Variants in TENM3 observed in about 807,000 individuals in gnomAD.
TENM3 encodes the protein teneurin-3.
A neutral mutation model predicts 255.1 loss-of-function variants in TENM3; 63 were observed. That is an observed-to-expected ratio of 0.25 (90% confidence interval 0.20 to 0.30). TENM3 has a LOEUF of 0.30. TENM3 is among the 10% of genes least tolerant of loss of function. The pLI is 1.00. For synonymous variants in TENM3, 1,306 were observed against 1,322.3 expected (o/e 0.99, Z 0.27); for missense variants, 2,929 against 3,461.1 (o/e 0.85, Z 3.86).
At position 182,792,940 on chromosome 4, in the gene TENM3, A is replaced by T; in HGVS notation, c.6268A>T (p.Ile2090Phe). ...TGATGCTCATGGCCGTATCAAGGAGATTCAATATGAGATATTCAGGTCGCT... is the reference window on the plus strand; with the variant it reads ...TGATGCTCATGGCCGTATCAAGGAGTTTCAATATGAGATATTCAGGTCGCT... The part of the protein sequence containing the change: ...HFDAHGRIKE[I>F]QYEIFRSLMY... The change falls in exon 26 of 28, where the codon ATT (isoleucine) becomes TTT (phenylalanine). Residue 2090 changes from isoleucine to phenylalanine, a missense_variant. Ile to Phe is a conservative substitution (Grantham distance 21, BLOSUM62 0). Around this residue, in one of 6 missense-constraint regions of TENM3, gnomAD observed 256 missense variants for 389.3 expected, o/e 0.66. Transcript: ENST00000511685. This position sits in a 1 kb window ranked among gnomAD's most constrained non-coding sequence, Gnocchi z 6.3. 1 of 1,613,860 alleles carries T rather than the reference A, an allele frequency of 6.2e-7. No homozygotes were observed. Among genetic ancestry groups the T allele is most frequent in the Non-Finnish European group, 8.5e-7 (1 of 1,179,814 alleles).
At chr4:182,215,971 C>T (rs575455965) in intron 1 of TENM3, among the ~76,000 whole-genome samples, 4 of 152,126 alleles carry the variant, frequency 2.6e-5, no homozygotes, top group Admixed American at 6.5e-5. Flanking sequence ...CTGGAGAAAA[C>T]GACACTACCC....
At chr4:181,844,290 A>G in the TENM3 span, among the ~76,000 whole-genome samples, 1 of 152,190 alleles carries the variant, frequency 6.6e-6, no homozygotes, top group African/African-American at 2.4e-5. Flanking sequence ...CATAGAAAAT[A>G]CGACATGGAA....
chr4:182,049,439 C>T, the TENM3 span, among the ~76,000 whole-genome samples: 2 of 152,158 alleles, frequency 1.3e-5, no homozygotes, highest in Non-Finnish European at 2.9e-5. Flanking sequence ...GAAAGCACTT[C>T]AGCTATTCTG....
chr4:182,345,881 C>A (rs184241959), intron 2 of TENM3, among the ~76,000 whole-genome samples: 9 of 152,104 alleles, frequency 5.9e-5, no homozygotes, highest in Admixed American at 5.9e-4. Flanking sequence ...CGTAATACTC[C>A]CACTTTATTT....
intron 4 of TENM3, among the ~76,000 whole-genome samples, chr4:182,612,635 C>T (rs17324394): frequency 0.2 from 30,494 of 152,090 alleles, 3,670 homozygotes; most frequent in Non-Finnish European, 0.27. Context: ...ATAGAGACTG[C>T]GTAAATTTGG....
chr4:181,665,181 A>T, the TENM3 span, among the ~76,000 whole-genome samples: 83,656 of 151,958 alleles, frequency 0.55, 23,721 homozygotes, highest in Non-Finnish European at 0.63. Flanking sequence ...GCACTGAGGC[A>T]CCAGAACATC....
chr4:182,073,498 C>A, the TENM3 span, among the ~76,000 whole-genome samples: 1 of 152,152 alleles, frequency 6.6e-6, no homozygotes, highest in African/African-American at 2.4e-5. Flanking sequence ...TTCCAGCCTT[C>A]AGAACTGTGA....
chr4:181,756,549 C>G, the TENM3 span, among the ~76,000 whole-genome samples: 1 of 152,152 alleles, frequency 6.6e-6, no homozygotes, highest in Admixed American at 6.5e-5. Context: ...AATGATTAAA[C>G]CCTGTCGGAT....
the TENM3 span, among the ~76,000 whole-genome samples, chr4:181,944,508 G>C: frequency 6.6e-6 from 1 of 152,152 alleles, no homozygotes; most frequent in Admixed American, 6.5e-5. Flanking sequence ...GACATGCCCA[G>C]AAATAATGTT....
the TENM3 span, among the ~76,000 whole-genome samples, chr4:181,886,920 C>T: frequency 6.6e-6 from 1 of 152,078 alleles, no homozygotes; most frequent in Non-Finnish European, 1.5e-5. Context: ...GCTTGAATGT[C>T]CTTTACCATG....
At chr4:181,523,689 C>T in the TENM3 span, among the ~76,000 whole-genome samples, 1 of 152,102 alleles carries the variant, frequency 6.6e-6, no homozygotes, top group South Asian at 2.1e-4. Flanking sequence ...AACTGGCATC[C>T]AAATGTGTTT....
intron 1 of TENM3, among the ~76,000 whole-genome samples, chr4:182,312,416 G>A (rs1281429812): frequency 6.6e-6 from 1 of 152,184 alleles, no homozygotes; most frequent in Non-Finnish European, 1.5e-5. Flanking sequence ...TACTGTGTGT[G>A]TGATTGTGCC....
At chr4:182,717,310 T>A (rs939104576) in intron 13 of TENM3, among the ~76,000 whole-genome samples, 1 of 152,158 alleles carries the variant, frequency 6.6e-6, no homozygotes, top group African/African-American at 2.4e-5. Context: ...GAATTCCTTA[T>A]GAGGAATAGG....
chr4:181,916,302 A>G, the TENM3 span, among the ~76,000 whole-genome samples: 4 of 152,206 alleles, frequency 2.6e-5, no homozygotes, highest in African/African-American at 9.6e-5. Context: ...TTATAATTCT[A>G]TAGGTATTTG....
chr4:181,581,187 T>C, the TENM3 span, among the ~76,000 whole-genome samples: 2 of 152,290 alleles, frequency 1.3e-5, no homozygotes, highest in South Asian at 4.2e-4. Flanking sequence ...ACGCCTGTAA[T>C]CCCAGCACTT....
At chr4:182,070,295 A>G in the TENM3 span, among the ~76,000 whole-genome samples, 1,193 of 152,290 alleles carry the variant, frequency 7.8e-3, 16 homozygotes, top group African/African-American at 0.027. Flanking sequence ...AATGCCTTAC[A>G]AATAGAAGGT....
intron 3 of TENM3, among the ~76,000 whole-genome samples, chr4:182,599,448 A>T (rs1317747268): frequency 1.3e-5 from 2 of 152,264 alleles, no homozygotes; most frequent in East Asian, 3.9e-4. Context: ...GGAAGTAGCG[A>T]TATTTTCATA....
the TENM3 span, among the ~76,000 whole-genome samples, chr4:181,985,335 A>G: frequency 6.6e-6 from 1 of 151,686 alleles, no homozygotes; most frequent in Non-Finnish European, 1.5e-5. Flanking sequence ...AAAAAAATAG[A>G]CTAATGTAGA....
chr4:182,397,804 G>T lies in TENM3; in HGVS notation c.511+50875G>T, dbSNP rs368436659. 3.5e-4 allele frequency among the ~76,000 whole-genome samples: 53 copies of T among 152,244 alleles called. 2 individuals carry two copies. The highest frequency in any genetic ancestry group is 1.3e-3 in the African/African-American group (52 of 41,546). The stretch of plus-strand genomic sequence containing the variant: ...ATTCGGTGGCTCTGGGCTATGACTT[G>T]CGAAGTTGCTGATGTTGATGCTGCT... On this transcript the variant is annotated intron_variant, in intron 3 of 27. Coordinates refer to ENST00000511685, the MANE Select transcript of TENM3 (RefSeq NM_001080477.4).
Sources: gnomAD v4.1 joint callset for allele counts (sites outside exome capture counted in the v4.1 genomes callset) on GRCh38, gnomAD v4.1.1 for gene constraint, gnomAD v4.1.1 regional missense constraint, Gnocchi (gnomAD v3.1) non-coding constraint, MANE v1.5 for transcripts, NCBI Gene and HGNC (gene_info 2026-07-23, HGNC 2026-07-21) for gene names.